The following MGST1 variants were observed in gnomAD, a reference collection of about 807,000 sequenced individuals.
The protein encoded by MGST1 is glutathione S-transferase 12.
Under a neutral mutation model 8.9 loss-of-function variants are expected in MGST1, and 5 were observed. That is an observed-to-expected ratio of 0.56 (90% CI 0.29 to 1.19). MGST1 has a LOEUF of 1.19. Among genes scored for constraint, MGST1 ranks in the 50% most tolerant of loss-of-function variants. The pLI is 0.08. For missense variants in MGST1, 182 were observed against 187.4 expected (o/e 0.97, Z 0.17); for synonymous variants, 54 against 67.8 (o/e 0.80, Z 1.00).
intron 3 of MGST1, among the ~76,000 whole-genome samples, chr12:16,371,256 A>C (rs1199107975): frequency 6.6e-6 from 1 of 152,140 alleles, no homozygotes; most frequent in Admixed American, 6.6e-5. Context: ...GGTTCTACCT[A>C]GTCCAAATGT....
chr12:16,525,477 C>T (rs1941679909), intron 4 of MGST1, among the ~76,000 whole-genome samples: 1 of 151,122 alleles, frequency 6.6e-6, no homozygotes, highest in African/African-American at 2.4e-5. Flanking sequence ...ATGAACTCAT[C>T]ATTTTTTATG....
intron 4 of MGST1, among the ~76,000 whole-genome samples, chr12:16,494,834 T>C (rs752668533): frequency 4.3e-4 from 65 of 152,146 alleles, no homozygotes; most frequent in Admixed American, 7.9e-4. Flanking sequence ...GCCAGATTGT[T>C]CTTGGTCCTT....
intron 4 of MGST1, among the ~76,000 whole-genome samples, chr12:16,514,767 G>A (rs1157422495): frequency 6.6e-6 from 1 of 152,192 alleles, no homozygotes; most frequent in African/African-American, 2.4e-5. Flanking sequence ...GGTAGTAAGT[G>A]GATCATTTCC....
rs1207049539 is a variant in MGST1 at position 16,589,215 on chromosome 12, T to G, written n.483-313T>G. Among the ~76,000 whole-genome samples, 1 of 152,096 alleles carries G rather than the reference T, an allele frequency of 6.6e-6. No homozygotes were observed. Among genetic ancestry groups the G allele is most frequent in the South Asian group, 2.1e-4 (1 of 4,826 alleles). On this transcript the variant is annotated intron_variant and non_coding_transcript_variant, in intron 4 of 4. Coordinates refer to the MGST1 transcript ENST00000538857. This position sits in a 1 kb window ranked among gnomAD's most constrained non-coding sequence, Gnocchi z 4.2. ...CTTTTTATTTTTTAATGAAGTGATATTCACAGAAGATTATAACAACAGTAG... is the reference window on the plus strand; with the variant it reads ...CTTTTTATTTTTTAATGAAGTGATAGTCACAGAAGATTATAACAACAGTAG...
At position 16,401,274 on chromosome 12, in the gene MGST1, G is replaced by A; in HGVS notation, n.778+17670G>A. ...TCCCCTCCTTGTTAGTCAGGTCTGA[G>A]AATCCCAAACTGATGCTGAAAACCA... On this transcript the variant is annotated intron_variant and non_coding_transcript_variant, in intron 1 of 1. Coordinates refer to the MGST1 transcript ENST00000359720. This position sits in a 1 kb window ranked among gnomAD's most constrained non-coding sequence, Gnocchi z 4.3. The A allele has an allele frequency of 6.4e-7, 1 of 1,558,110 alleles. No individual in the cohort carries two copies. The highest frequency in any genetic ancestry group is 1.1e-5 in the South Asian group (1 of 89,900).
At chr12:16,454,117 T>C (rs553538478) in intron 4 of MGST1, among the ~76,000 whole-genome samples, 1 of 152,060 alleles carries the variant, frequency 6.6e-6, no homozygotes, top group East Asian at 1.9e-4. Context: ...ACTTACCAGC[T>C]GATCACACAG....
chr12:16,584,871 G>A lies in MGST1; in HGVS notation n.483-4657G>A, dbSNP rs1303205127. On this transcript the variant is annotated intron_variant and non_coding_transcript_variant, in intron 4 of 4. Transcript: ENST00000538857. This position sits in a 1 kb window ranked among gnomAD's most constrained non-coding sequence, Gnocchi z 5.2. The stretch of plus-strand genomic sequence containing the variant: ...CTCTGATCCTCTCTTCAAGAATTCA[G>A]GATGCGAGGAAATATTTTCAAACAC... 6.6e-6 allele frequency among the ~76,000 whole-genome samples: 1 copy of A among 152,136 alleles called. No individual in the cohort carries two copies. Among genetic ancestry groups the A allele is most frequent in the Admixed American group, 6.5e-5 (1 of 15,270 alleles).
At chr12:16,438,783 A>G (rs1941013355), downstream of MGST1, 1 of 151,862 alleles carries the variant, frequency 6.6e-6, no homozygotes, top group South Asian at 2.1e-4. Flanking sequence ...TGCATGTCTT[A>G]TCTTTGCCCT....
intron 4 of MGST1, among the ~76,000 whole-genome samples, chr12:16,580,789 A>C (rs1238021036): frequency 2.0e-5 from 3 of 152,196 alleles, no homozygotes; most frequent in African/African-American, 7.2e-5. Context: ...CATTTTTGCT[A>C]ATCTCTATTG....
At chr12:16,444,964 G>A (rs1186634950) in intron 4 of MGST1, among the ~76,000 whole-genome samples, 1 of 151,808 alleles carries the variant, frequency 6.6e-6, no homozygotes, top group Non-Finnish European at 1.5e-5. Flanking sequence ...GCTTTCCCAA[G>A]TGACTTGAAT....
chr12:16,473,982 G>T (rs998581562), intron 4 of MGST1, among the ~76,000 whole-genome samples: 2 of 152,156 alleles, frequency 1.3e-5, no homozygotes, highest in Non-Finnish European at 2.9e-5. Flanking sequence ...TATTTCTATA[G>T]GGAATTTGCT....
intron 1 of MGST1, among the ~76,000 whole-genome samples, chr12:16,422,053 A>G (rs374242911): frequency 2.4e-4 from 36 of 152,254 alleles, no homozygotes; most frequent in East Asian, 2.1e-3. Flanking sequence ...GCCCACACAT[A>G]GTCTTCATTC....
In MGST1 at chr12:16,360,197, A is replaced by G. The variant is rs542065525; in HGVS notation, c.221+2498A>G. 3.3e-4 allele frequency: 87 copies of G among 260,286 alleles called. 2 individuals are homozygous for G. The highest frequency in any genetic ancestry group is 2.0e-3 in the African/African-American group (86 of 43,450). 16.1% of individuals were successfully genotyped at this position (260,286 alleles called of 1,614,324 possible). ...TACCTGTTTCATCGAAAAAGTGCCT[A>G]ATAACACACTTTTGGAGACACTTTT... On this transcript the variant is annotated intron_variant, in intron 3 of 3. Transcript: ENST00000396210.
At position 16,361,669 on chromosome 12, in the gene MGST1, CTGTT is replaced by C. The variant is rs1940003044; in HGVS notation, c.222-2123_222-2120del. On this transcript the variant is annotated intron_variant, in intron 3 of 3. Transcript: ENST00000396210. This position sits in a 1 kb window ranked among gnomAD's most constrained non-coding sequence, Gnocchi z 4.2. ...GGTGCTCACAGGGAAAGCTGGGGAA[CTGTT>C]TGCCTGGAACAGAGTCTCAAAAGAA... 6.6e-6 allele frequency among the ~76,000 whole-genome samples: 1 copy of C among 152,132 alleles called. No individual in the cohort carries two copies. The highest frequency in any genetic ancestry group is 2.4e-5 in the African/African-American group (1 of 41,428).
intron 4 of MGST1, among the ~76,000 whole-genome samples, chr12:16,520,419 G>A (rs550827394): frequency 1.3e-5 from 2 of 152,102 alleles, no homozygotes; most frequent in East Asian, 1.9e-4. Context: ...CACAGGGTGA[G>A]GAAGCCTAAT....
intron 1 of MGST1, among the ~76,000 whole-genome samples, chr12:16,351,529 G>T (rs534046527): frequency 6.6e-6 from 1 of 152,174 alleles, no homozygotes; most frequent in African/African-American, 2.4e-5. Context: ...AAATAGGGGG[G>T]CCAGGCATGG....
In MGST1 at chr12:16,585,230, C is replaced by G. The variant is rs1377103677; in HGVS notation, n.483-4298C>G. Reference sequence around the variant, plus strand: ...TGAGTTTGTAATTCCCGTCTTAGCCCTTGGCAAGATAAATAATTCAGCCTA... The same window carrying G: ...TGAGTTTGTAATTCCCGTCTTAGCCGTTGGCAAGATAAATAATTCAGCCTA... On this transcript the variant is annotated intron_variant and non_coding_transcript_variant, in intron 4 of 4. Coordinates refer to the MGST1 transcript ENST00000538857. The surrounding 1 kb of genome is among the most constrained non-coding windows in gnomAD (Gnocchi z 4.7). Among the ~76,000 whole-genome samples, 1 of 152,076 alleles carries G rather than the reference C, an allele frequency of 6.6e-6. No individual in the cohort carries two copies. Among genetic ancestry groups the G allele is most frequent in the Non-Finnish European group, 1.5e-5 (1 of 68,030 alleles).
intron 4 of MGST1, among the ~76,000 whole-genome samples, chr12:16,491,862 T>C (rs1941441022): frequency 6.6e-6 from 1 of 152,240 alleles, no homozygotes; most frequent in Non-Finnish European, 1.5e-5. Context: ...TCTAATATTT[T>C]GAAAGCCGGT....
At chr12:16,451,330 G>T (rs1941126811) in intron 4 of MGST1, among the ~76,000 whole-genome samples, 1 of 151,792 alleles carries the variant, frequency 6.6e-6, no homozygotes, top group Admixed American at 6.6e-5. Flanking sequence ...TAAAACAGTG[G>T]TATGCATAGG....
Sources: allele counts gnomAD v4.1 joint callset (sites outside exome capture counted in the v4.1 genomes callset), GRCh38; gene constraint gnomAD v4.1.1; non-coding constraint Gnocchi (gnomAD v3.1); transcripts MANE v1.5; gene names NCBI Gene and HGNC (gene_info 2026-07-23, HGNC 2026-07-21).